The following SEMA3A variants were observed in gnomAD, a reference collection of about 807,000 sequenced individuals.
SEMA3A encodes semaphorin-3A.
SEMA3A carries 29 observed loss-of-function variants against 97.9 expected under a neutral mutation model. That is an observed-to-expected ratio of 0.30 (90% confidence interval 0.22 to 0.40). The LOEUF (loss-of-function observed/expected upper bound fraction) is 0.40. Ranked by LOEUF, SEMA3A falls within the 10% of genes least tolerant of loss-of-function variation. The pLI, the probability that SEMA3A is intolerant of heterozygous loss-of-function variation, is 1.00. For missense variants in SEMA3A, 763 were observed against 951.3 expected (o/e 0.80, Z 2.60); for synonymous variants, 321 against 323.7 (o/e 0.99, Z 0.09).
intron 12 of SEMA3A, among the ~76,000 whole-genome samples, chr7:83,996,011 C>T (rs963678339): frequency 2.0e-5 from 3 of 152,148 alleles, no homozygotes; most frequent in African/African-American, 7.2e-5. Flanking sequence ...GTGTTATCAA[C>T]GTAACTGCCT....
chr7:84,245,386 ATTGATAC>A (rs1013837410), intron 3 of SEMA3A, among the ~76,000 whole-genome samples: 1 of 151,604 alleles, frequency 6.6e-6, no homozygotes, highest in African/African-American at 2.4e-5. Flanking sequence ...CAATTTGGCT[ATTGATAC>A]TTGTGTATGC....
At chr7:84,325,014 C>G (rs1275128314) in intron 2 of SEMA3A, among the ~76,000 whole-genome samples, 1 of 152,050 alleles carries the variant, frequency 6.6e-6, no homozygotes, top group Non-Finnish European at 1.5e-5. Flanking sequence ...AGCATGAAAA[C>G]AAGTGGTATA....
At chr7:84,383,965 G>A (rs549138998) in intron 1 of SEMA3A, among the ~76,000 whole-genome samples, 1 of 152,182 alleles carries the variant, frequency 6.6e-6, no homozygotes, top group Non-Finnish European at 1.5e-5. Context: ...GAGCCTCACA[G>A]AGATTTGGCT....
chr7:84,113,213 G>C (rs1410297544), intron 3 of SEMA3A, among the ~76,000 whole-genome samples: 1 of 152,186 alleles, frequency 6.6e-6, no homozygotes, highest in Non-Finnish European at 1.5e-5. Context: ...AACAATGGAG[G>C]AGGAAAGTGC....
At chr7:84,309,395 C>G (rs1380937279) in intron 2 of SEMA3A, among the ~76,000 whole-genome samples, 1 of 152,058 alleles carries the variant, frequency 6.6e-6, no homozygotes, top group Non-Finnish European at 1.5e-5. Context: ...TTTTCCTAAG[C>G]AGACAATAGT....
intron 6 of SEMA3A, among the ~76,000 whole-genome samples, chr7:84,037,855 T>C (rs1398868632): frequency 2.0e-5 from 3 of 152,022 alleles, no homozygotes; most frequent in African/African-American, 4.8e-5. Flanking sequence ...GAAACTGATA[T>C]ACGGCTGAGA....
At chr7:84,299,330 A>G (rs1584215838) in intron 3 of SEMA3A, among the ~76,000 whole-genome samples, 1 of 126,744 alleles carries the variant, frequency 7.9e-6, no homozygotes, top group Non-Finnish European at 1.7e-5. Flanking sequence ...ATATCTCCAT[A>G]TATATGTATC....
At chr7:83,984,691 T>C (rs545130166) in intron 13 of SEMA3A, among the ~76,000 whole-genome samples, 1 of 146,016 alleles carries the variant, frequency 6.8e-6, no homozygotes, top group South Asian at 2.2e-4. Context: ...GGAGAAAATA[T>C]TAGACATTAA....
At chr7:84,023,016 C>T (rs1357578020) in intron 6 of SEMA3A, among the ~76,000 whole-genome samples, 1 of 152,176 alleles carries the variant, frequency 6.6e-6, no homozygotes, top group Non-Finnish European at 1.5e-5. Flanking sequence ...ACCTTTACCA[C>T]CCCCTTGACA....
intron 2 of SEMA3A, among the ~76,000 whole-genome samples, chr7:84,336,534 C>A (rs1477695607): frequency 4.6e-5 from 7 of 152,056 alleles, no homozygotes; most frequent in African/African-American, 1.7e-4. Context: ...GATGTTCAGT[C>A]AAAGCAAGAA....
chr7:84,199,367 C>T (rs1370111100), upstream of SEMA3A, among the ~76,000 whole-genome samples: 1 of 152,050 alleles, frequency 6.6e-6, no homozygotes, highest in Non-Finnish European at 1.5e-5. Context: ...AGTGTGCCAC[C>T]CTCAGAAGCA....
intron 4 of SEMA3A, among the ~76,000 whole-genome samples, chr7:84,067,288 C>G (rs1185653661): frequency 6.6e-6 from 1 of 152,084 alleles, no homozygotes; most frequent in African/African-American, 2.4e-5. Flanking sequence ...GGATTAAAGA[C>G]TTAAACGTTT....
chr7:84,492,273 C>T (rs1806753557), intron 1 of SEMA3A, among the ~76,000 whole-genome samples: 2 of 152,022 alleles, frequency 1.3e-5, no homozygotes, highest in South Asian at 4.1e-4. Context: ...GGAGTCACTT[C>T]AGGAGCATTT....
intron 4 of SEMA3A, among the ~76,000 whole-genome samples, chr7:84,072,514 TACAGA>T (rs1201841583): frequency 3.3e-5 from 5 of 152,152 alleles, no homozygotes; most frequent in Admixed American, 3.3e-4. Flanking sequence ...ATTTTCTGTT[TACAGA>T]AATATATAAT....
chr7:84,348,978 C>A (rs369415084), intron 2 of SEMA3A, among the ~76,000 whole-genome samples: 1 of 151,628 alleles, frequency 6.6e-6, no homozygotes, highest in Admixed American at 6.6e-5. Context: ...AGTGAGACTC[C>A]ATCTCAAAAA....
chr7:84,129,299 G>C, intron 2 of SEMA3A, 114 bp from the exon 3 acceptor site: 1 of 841,322 alleles, frequency 1.2e-6, no homozygotes, highest in South Asian at 1.5e-5. Context: ...GTTCCATAAA[G>C]ACTGTTTCAG....
chr7:83,992,155 T>A (rs1157932478), intron 12 of SEMA3A, among the ~76,000 whole-genome samples: 1 of 150,840 alleles, frequency 6.6e-6, no homozygotes, highest in Non-Finnish European at 1.5e-5. Flanking sequence ...TTCTGTGGGA[T>A]TGGTGGTGAT....
At chr7:84,283,637 G>T (rs550805411) in intron 3 of SEMA3A, among the ~76,000 whole-genome samples, 85 of 151,912 alleles carry the variant, frequency 5.6e-4, no homozygotes, top group African/African-American at 2.0e-3. Flanking sequence ...CTGCTTATTA[G>T]ATATATATGC....
At chr7:84,301,975 C>T (rs894826466) in intron 3 of SEMA3A, among the ~76,000 whole-genome samples, 4 of 152,000 alleles carry the variant, frequency 2.6e-5, no homozygotes, top group Non-Finnish European at 4.4e-5. Flanking sequence ...GACTTGTATA[C>T]AAATACTCAT....
Sources: gnomAD v4.1 joint callset for allele counts (sites outside exome capture counted in the v4.1 genomes callset) on GRCh38, gnomAD v4.1.1 for gene constraint, MANE v1.5 for transcripts, NCBI Gene and HGNC (gene_info 2026-07-23, HGNC 2026-07-21) for gene names.